Variants in GABRB2 observed in about 807,000 individuals in gnomAD.
GABRB2 encodes gamma-aminobutyric acid receptor subunit beta-2.
GABRB2 carries 16 observed loss-of-function variants against 54.7 expected under a neutral mutation model. That is an observed-to-expected ratio of 0.29 (90% CI 0.20 to 0.44). The LOEUF is 0.44. GABRB2 is among the 20% of genes least tolerant of loss of function. GABRB2 has a pLI of 1.00. For synonymous variants in GABRB2, 244 were observed against 233.8 expected, an observed-to-expected ratio of 1.04 and a Z score of -0.40; for missense variants, 355 against 644.0, an observed-to-expected ratio of 0.55 and a Z score of 4.86.
chr5:161,546,801 T>TAA, upstream of GABRB2: 1 of 1,400,854 alleles, frequency 7.1e-7, no homozygotes, highest in Non-Finnish European at 9.3e-7. Flanking sequence ...ATTTCCTTGT[T>TAA]TAAAAAAAAA....
intron 4 of GABRB2, among the ~76,000 whole-genome samples, chr5:161,448,354 T>G (rs1435621856): frequency 6.6e-6 from 1 of 151,970 alleles, no homozygotes; most frequent in African/African-American, 2.4e-5. Flanking sequence ...GACCAGGGAT[T>G]CGAAGCTGCT....
At chr5:161,524,584 A>G (rs1385854473) in intron 3 of GABRB2, among the ~76,000 whole-genome samples, 3 of 151,488 alleles carry the variant, frequency 2.0e-5, no homozygotes, top group Non-Finnish European at 4.4e-5. Context: ...AAAAGTTAGC[A>G]ATGAACTGAT....
intron 5 of GABRB2, among the ~76,000 whole-genome samples, chr5:161,359,732 A>C (rs1292734252): frequency 6.6e-6 from 1 of 152,222 alleles, no homozygotes; most frequent in Non-Finnish European, 1.5e-5. Flanking sequence ...TAGGCTAGAA[A>C]AGCACTACAG....
At chr5:161,427,070 T>C (rs970128470) in intron 4 of GABRB2, among the ~76,000 whole-genome samples, 1 of 152,180 alleles carries the variant, frequency 6.6e-6, no homozygotes, top group African/African-American at 2.4e-5. Flanking sequence ...TCTGTTTCTC[T>C]TTCTCTTAAA....
chr5:161,533,327 C>T (rs1458762666), intron 3 of GABRB2, among the ~76,000 whole-genome samples: 1 of 151,986 alleles, frequency 6.6e-6, no homozygotes, highest in African/African-American at 2.4e-5. Context: ...AACATAAATC[C>T]TTCATTTGTA....
chr5:161,472,839 G>A (rs1048926996), intron 3 of GABRB2, among the ~76,000 whole-genome samples: 7 of 151,670 alleles, frequency 4.6e-5, no homozygotes, highest in African/African-American at 4.8e-5. Context: ...GATTCTTTTC[G>A]GCAGAATGGT....
chr5:161,514,981 G>A (rs199607982), intron 3 of GABRB2, among the ~76,000 whole-genome samples: 4 of 152,142 alleles, frequency 2.6e-5, no homozygotes, highest in African/African-American at 9.7e-5. Flanking sequence ...TCATTAGGGA[G>A]TAGCCATAAT....
intron 5 of GABRB2, among the ~76,000 whole-genome samples, chr5:161,398,290 G>T (rs1346780009): frequency 2.0e-5 from 3 of 152,150 alleles, no homozygotes; most frequent in Non-Finnish European, 4.4e-5. Context: ...TAAATTTCCT[G>T]ACTGGCTGTC....
Position 161,546,188 on chromosome 5 carries a change from C to A in GABRB2, c.169+134G>T, listed in dbSNP as rs1561689510. 6 of 693,814 alleles carry A rather than the reference C, an allele frequency of 8.6e-6. No homozygotes were observed. The African/African-American group carries it at 1.1e-4, about 12-fold the overall frequency. The allele number at this position is 693,814 out of a possible 1,614,324, so 43.0% of individuals were successfully genotyped here. A position where few individuals can be genotyped will look rare whatever the true frequency, so the allele number is the denominator to read the frequency against. On this transcript the variant is annotated intron_variant, in intron 2 of 9. Coordinates refer to ENST00000393959, the MANE Select transcript of GABRB2 (RefSeq NM_001371727.1). Reference sequence around the variant, plus strand: ...ATCCAGCTTAAGTTTTGATCAGTTTCTCAATATGGTAAAATAGAGACACAT... The same window carrying A: ...ATCCAGCTTAAGTTTTGATCAGTTTATCAATATGGTAAAATAGAGACACAT...
intron 3 of GABRB2, among the ~76,000 whole-genome samples, chr5:161,488,605 T>C (rs1293355896): frequency 2.6e-5 from 4 of 151,866 alleles, no homozygotes; most frequent in Admixed American, 6.6e-5. Flanking sequence ...CTCCCAGTTA[T>C]AAAAATGGCT....
chr5:161,484,610 C>T (rs571609787), intron 3 of GABRB2, among the ~76,000 whole-genome samples: 1 of 152,052 alleles, frequency 6.6e-6, no homozygotes, highest in East Asian at 1.9e-4. Context: ...AAATACTAGG[C>T]TATGTATACA....
chr5:161,494,538 C>CATGG, intron 3 of GABRB2, among the ~76,000 whole-genome samples: 1 of 146,142 alleles, frequency 6.8e-6, no homozygotes, highest in East Asian at 2.0e-4. Context: ...GTTAGGTATG[C>CATGG]GTGTGTGTGT....
intron 4 of GABRB2, among the ~76,000 whole-genome samples, chr5:161,416,696 CAAAAAAAAAAAAAAAAAAAA>C (rs70990782): frequency 2.8e-5 from 1 of 35,120 alleles, no homozygotes; most frequent in Non-Finnish European, 7.1e-5. Context: ...GACTCCGTCT[CAAAAAAAAAAAAAAAAAAAA>C]AAAAAAAAAT....
chr5:161,334,221 C>G (rs1753928017), intron 7 of GABRB2, among the ~76,000 whole-genome samples: 1 of 151,998 alleles, frequency 6.6e-6, no homozygotes, highest in Non-Finnish European at 1.5e-5. Flanking sequence ...AATTTATTCT[C>G]CTTTTGTGTT....
intron 4 of GABRB2, among the ~76,000 whole-genome samples, chr5:161,433,193 T>G (rs1285163995): frequency 1.2e-4 from 19 of 152,142 alleles, no homozygotes. Flanking sequence ...TTGAGAAACA[T>G]GTATATATCT....
At chr5:161,392,790 C>T (rs1385153404) in intron 5 of GABRB2, among the ~76,000 whole-genome samples, 1 of 152,036 alleles carries the variant, frequency 6.6e-6, no homozygotes, top group Non-Finnish European at 1.5e-5. Flanking sequence ...TATAGATAAT[C>T]ATTTTGATTA....
At chr5:161,454,310 A>G (rs950103227) in intron 4 of GABRB2, among the ~76,000 whole-genome samples, 25 of 152,276 alleles carry the variant, frequency 1.6e-4, no homozygotes, top group Admixed American at 1.5e-3. Context: ...TGTGATCTCA[A>G]ACTGACAAAT....
intron 9 of GABRB2, among the ~76,000 whole-genome samples, chr5:161,309,996 C>A (rs779755168): frequency 2.0e-5 from 3 of 152,114 alleles, no homozygotes; most frequent in African/African-American, 7.2e-5. Context: ...AAAAGAAAAA[C>A]GTTACATCCT....
intron 9 of GABRB2, among the ~76,000 whole-genome samples, chr5:161,315,663 T>C (rs1758007006): frequency 1.3e-5 from 2 of 152,180 alleles, no homozygotes; most frequent in Admixed American, 1.3e-4. Flanking sequence ...TAAATTATTA[T>C]TTGTTATAGA....
Sources: allele counts gnomAD v4.1 joint callset (sites outside exome capture counted in the v4.1 genomes callset), GRCh38; gene constraint gnomAD v4.1.1; transcripts MANE v1.5; gene names NCBI Gene and HGNC (gene_info 2026-07-23, HGNC 2026-07-21).